The following GNAQ variants were observed in gnomAD, a reference collection of about 807,000 sequenced individuals.
GNAQ encodes G protein subunit alpha q, also known as guanine nucleotide-binding protein G(q) subunit alpha.
A neutral mutation model predicts 43.9 loss-of-function variants in GNAQ; 8 were observed. The ratio of observed to expected loss-of-function variants is 0.18; its 90% confidence interval spans 0.11 to 0.33. GNAQ has a LOEUF of 0.33. GNAQ is among the 10% of genes least tolerant of loss of function. GNAQ has a pLI of 1.00. For missense variants in GNAQ, 158 were observed against 450.8 expected, an observed-to-expected ratio of 0.35 and a Z score of 5.88; for synonymous variants, 155 against 170.7, an observed-to-expected ratio of 0.91 and a Z score of 0.71.
intron 1 of GNAQ, among the ~76,000 whole-genome samples, chr9:77,948,592 TAAG>T (rs1415892331): frequency 6.6e-6 from 1 of 152,158 alleles, no homozygotes; most frequent in Non-Finnish European, 1.5e-5. Context: ...CACAGCGTCC[TAAG>T]AAGTGGGCAG....
intron 3 of GNAQ, among the ~76,000 whole-genome samples, chr9:77,805,376 A>C (rs566490050): frequency 6.6e-6 from 1 of 152,240 alleles, no homozygotes; most frequent in Admixed American, 6.5e-5. Context: ...AGCATTTATT[A>C]ACAGGCATTT....
At chr9:77,997,928 G>A (rs1263167278) in intron 1 of GNAQ, among the ~76,000 whole-genome samples, 4 of 152,200 alleles carry the variant, frequency 2.6e-5, no homozygotes, top group African/African-American at 7.2e-5. Flanking sequence ...CACATCAGGT[G>A]CCTTGGGCCA....
Position 77,794,222 on chromosome 9 carries a change from C to G in GNAQ, c.735+241G>C, listed in dbSNP as rs1328530. Among the ~76,000 whole-genome samples, 83,306 of 151,956 alleles carry G rather than the reference C, an allele frequency of 0.55. 25,363 individuals carry two copies. Among genetic ancestry groups the G allele is most frequent in the Middle Eastern group, 0.69 (204 of 294 alleles). ...TTCCATGTTATTTTCATTTTCAGAA[C>G]CTCTGCATAGTGTTAAAAAGTATCA... On this transcript the variant is annotated intron_variant, in intron 5 of 6. Coordinates refer to ENST00000286548, the MANE Select transcript of GNAQ (RefSeq NM_002072.5).
chr9:77,854,222 G>A (rs1239514437), intron 2 of GNAQ, among the ~76,000 whole-genome samples: 1 of 152,134 alleles, frequency 6.6e-6, no homozygotes, highest in Admixed American at 6.6e-5. Flanking sequence ...AGAGATGAAT[G>A]TGTTTAAAAG....
At chr9:78,030,859 C>CCGA (rs1824044516) in intron 1 of GNAQ, among the ~76,000 whole-genome samples, 1 of 151,926 alleles carries the variant, frequency 6.6e-6, no homozygotes, top group Non-Finnish European at 1.5e-5. Context: ...CAGGGCAGCC[C>CCGA]CGACCCCTGT....
chr9:77,890,938 G>A (rs1428738134), intron 2 of GNAQ, among the ~76,000 whole-genome samples: 1 of 152,176 alleles, frequency 6.6e-6, no homozygotes, highest in Non-Finnish European at 1.5e-5. Flanking sequence ...AAACCAACAT[G>A]GGCAAGCTAG....
intron 2 of GNAQ, among the ~76,000 whole-genome samples, chr9:77,894,510 C>T (rs1438063830): frequency 6.7e-6 from 1 of 149,832 alleles, no homozygotes; most frequent in African/African-American, 2.5e-5. Flanking sequence ...GCAACCTCTG[C>T]CTCCCAGGTT....
intron 2 of GNAQ, among the ~76,000 whole-genome samples, chr9:77,818,380 T>A (rs1441428746): frequency 1.3e-5 from 2 of 151,396 alleles, no homozygotes; most frequent in African/African-American, 4.9e-5. Flanking sequence ...TTACAAAATA[T>A]ATACAGATTT....
chr9:77,952,658 T>C (rs1014885161), intron 1 of GNAQ, among the ~76,000 whole-genome samples: 1 of 152,226 alleles, frequency 6.6e-6, no homozygotes, highest in Non-Finnish European at 1.5e-5. Flanking sequence ...CAATGCAAAA[T>C]AGCCATTAGG....
chr9:77,890,225 C>T (rs1236303920), intron 2 of GNAQ, among the ~76,000 whole-genome samples: 1 of 152,150 alleles, frequency 6.6e-6, no homozygotes, highest in Non-Finnish European at 1.5e-5. Context: ...TACCATACTC[C>T]TAGAATCCTC....
intron 5 of GNAQ, among the ~76,000 whole-genome samples, chr9:77,774,082 C>T (rs1826270022): frequency 6.6e-6 from 1 of 152,062 alleles, no homozygotes; most frequent in Non-Finnish European, 1.5e-5. Context: ...GTCCACATTC[C>T]TCTGGCTTTG....
intron 5 of GNAQ, among the ~76,000 whole-genome samples, chr9:77,790,199 A>G (rs573176962): frequency 6.6e-6 from 1 of 152,358 alleles, no homozygotes; most frequent in South Asian, 2.1e-4. Flanking sequence ...CAGAGACCAG[A>G]TATCTTAACC....
chr9:77,968,023 T>G (rs982062745), intron 1 of GNAQ, among the ~76,000 whole-genome samples: 1 of 152,174 alleles, frequency 6.6e-6, no homozygotes, highest in Non-Finnish European at 1.5e-5. Context: ...ATGTTTAGGT[T>G]TCCCTTTGGG....
chr9:77,757,882 T>A (rs183237022), intron 5 of GNAQ, among the ~76,000 whole-genome samples: 1 of 152,358 alleles, frequency 6.6e-6, no homozygotes, highest in Non-Finnish European at 1.5e-5. Flanking sequence ...TTGAGAGAAT[T>A]TAACTCCTCC....
At chr9:77,815,501 A>C (rs1210697462) in intron 3 of GNAQ, 115 bp downstream of exon 3, 4 of 619,672 alleles carry the variant, frequency 6.5e-6, no homozygotes, top group Non-Finnish European at 8.1e-6. Flanking sequence ...CTAACTTTTA[A>C]AGTTTTAATC....
At chr9:77,736,206 C>G (rs1422586134) in intron 5 of GNAQ, among the ~76,000 whole-genome samples, 4 of 152,184 alleles carry the variant, frequency 2.6e-5, no homozygotes, top group African/African-American at 9.7e-5. Context: ...ATGTTTCTTC[C>G]TAAGATTCTC....
chr9:77,957,497 C>G (rs988624258), intron 1 of GNAQ, among the ~76,000 whole-genome samples: 1 of 152,180 alleles, frequency 6.6e-6, no homozygotes, highest in African/African-American at 2.4e-5. Context: ...CAGGAAGGCG[C>G]AGAATCACCT....
At chr9:77,851,016 A>G (rs1827668011) in intron 2 of GNAQ, among the ~76,000 whole-genome samples, 1 of 152,110 alleles carries the variant, frequency 6.6e-6, no homozygotes. Context: ...TAAAGGATCA[A>G]TAAATGTTTA....
chr9:77,863,206 GGA>G, intron 2 of GNAQ, among the ~76,000 whole-genome samples: 1 of 150,834 alleles, frequency 6.6e-6, no homozygotes, highest in African/African-American at 2.4e-5. Context: ...AAGGAAGGAA[GGA>G]AGGAAGGAAG....
Sources: gnomAD v4.1 joint callset for allele counts (sites outside exome capture counted in the v4.1 genomes callset) on GRCh38, gnomAD v4.1.1 for gene constraint, MANE v1.5 for transcripts, NCBI Gene and HGNC (gene_info 2026-07-23, HGNC 2026-07-21) for gene names.